FGF12: variants seen among roughly 807,000 people sequenced by gnomAD.
FGF12 encodes the protein fibroblast growth factor 12.
Under a neutral mutation model 23.6 loss-of-function variants are expected in FGF12, and 14 were observed. The observed-to-expected ratio is 0.59, with a 90% CI of 0.39 to 0.93. The LOEUF (loss-of-function observed/expected upper bound fraction) is 0.93, where lower values mean the gene tolerates loss of function less well. Ranked by LOEUF, FGF12 falls within the 40% of genes least tolerant of loss-of-function variation. The pLI is 0.00. For synonymous variants in FGF12, 62 were observed against 77.3 expected (o/e 0.80, Z 1.04); for missense variants, 175 against 217.8 (o/e 0.80, Z 1.24).
chr3:192,378,026 T>TCTCTCTC (rs1233005474), intron 2 of FGF12, among the ~76,000 whole-genome samples: 2 of 69,442 alleles, frequency 2.9e-5, no homozygotes, highest in Admixed American at 1.4e-4. Context: ...TGACTCTTTC[T>TCTCTCTC]TTTCTTTCTT....
At chr3:192,661,054 C>T (rs1488535530) in intron 2 of FGF12, among the ~76,000 whole-genome samples, 1 of 151,802 alleles carries the variant, frequency 6.6e-6, no homozygotes, top group African/African-American at 2.4e-5. Flanking sequence ...CAAGTAAATA[C>T]ATGAAATGGT....
At chr3:192,199,137 C>T (rs571029154) in intron 4 of FGF12, among the ~76,000 whole-genome samples, 42 of 152,276 alleles carry the variant, frequency 2.8e-4, no homozygotes, top group African/African-American at 7.7e-4. Flanking sequence ...GTTGCAAATG[C>T]TGACATGTTA....
chr3:192,280,100 G>C (rs945628684), intron 4 of FGF12, among the ~76,000 whole-genome samples: 1 of 152,112 alleles, frequency 6.6e-6, no homozygotes, highest in Non-Finnish European at 1.5e-5. Context: ...GATCAAAGAA[G>C]CCTAAATGTG....
intron 2 of FGF12, among the ~76,000 whole-genome samples, chr3:192,726,535 G>T (rs184766115): frequency 3.5e-4 from 54 of 152,220 alleles, no homozygotes; most frequent in African/African-American, 1.2e-3. Flanking sequence ...ATGCAGATTT[G>T]CTTATGAGGA....
chr3:192,348,509 T>C (rs1341354994), intron 3 of FGF12, among the ~76,000 whole-genome samples: 1 of 152,136 alleles, frequency 6.6e-6, no homozygotes, highest in African/African-American at 2.4e-5. Context: ...GTCAAACACA[T>C]TGAAGAAAAA....
chr3:192,146,227 A>G lies in FGF12; in HGVS notation c.428-2100T>C, dbSNP rs560917749. ...ACCTGCAAATCCTTAAGCTTCATCCAGGGATACTTGAGGAATAAATTTTCT... is the reference window on the plus strand; with the variant it reads ...ACCTGCAAATCCTTAAGCTTCATCCGGGGATACTTGAGGAATAAATTTTCT... On this transcript the variant is annotated intron_variant, in intron 5 of 5. Coordinates refer to ENST00000445105, the MANE Select transcript of FGF12 (RefSeq NM_004113.6). 1.4e-3 allele frequency among the ~76,000 whole-genome samples: 211 copies of G among 152,140 alleles called. 1 individual carries two copies. Among genetic ancestry groups the G allele is most frequent in the African/African-American group, 4.9e-3 (202 of 41,510 alleles).
chr3:192,544,912 T>G (rs1725459527), intron 2 of FGF12, among the ~76,000 whole-genome samples: 2 of 152,200 alleles, frequency 1.3e-5, no homozygotes, highest in Non-Finnish European at 2.9e-5. Context: ...CAGACACCTA[T>G]TTCAGGGCAA....
rs534922397 is a variant in FGF12, at chr3:192,370,225, T to C, written c.14-9687A>G. ...CTTTAAGTCAATGATGTCCAAACTT[T>C]TCTAATTATACATCTCTATCAGTAA... On this transcript the variant is annotated intron_variant, in intron 2 of 5. Coordinates refer to ENST00000445105, the MANE Select transcript of FGF12 (RefSeq NM_004113.6). Among the ~76,000 whole-genome samples, 27 of 152,334 alleles carry C rather than the reference T, an allele frequency of 1.8e-4. No homozygotes were observed. In the South Asian group the frequency reaches 5.0e-3, roughly 28 times the overall value.
intron 5 of FGF12, among the ~76,000 whole-genome samples, chr3:192,160,430 G>A (rs552117664): frequency 3.1e-4 from 47 of 152,196 alleles, no homozygotes; most frequent in Non-Finnish European, 5.3e-4. Flanking sequence ...AGCTTTGCCT[G>A]CAAAAACCTT....
At chr3:192,492,956 ATTTTTTTTTTTT>A (rs766838831) in intron 2 of FGF12, among the ~76,000 whole-genome samples, 2 of 121,602 alleles carry the variant, frequency 1.6e-5, no homozygotes, top group Non-Finnish European at 3.6e-5. Flanking sequence ...AATTTTTGTA[ATTTTTTTTTTTT>A]TTTTTTTTTT....
At chr3:192,640,398 C>T (rs1715747221) in intron 2 of FGF12, among the ~76,000 whole-genome samples, 1 of 151,582 alleles carries the variant, frequency 6.6e-6, no homozygotes, top group African/African-American at 2.4e-5. Flanking sequence ...AAAATAGAAG[C>T]CAAAAGCTTG....
At chr3:192,706,403 CTT>C (rs945532472) in intron 2 of FGF12, among the ~76,000 whole-genome samples, 2 of 152,162 alleles carry the variant, frequency 1.3e-5, no homozygotes, top group African/African-American at 2.4e-5. Context: ...GGCAAAGCGA[CTT>C]TGCCAAGGTC....
chr3:192,576,811 G>T (rs1474600371), intron 2 of FGF12, among the ~76,000 whole-genome samples: 1 of 152,130 alleles, frequency 6.6e-6, no homozygotes, highest in African/African-American at 2.4e-5. Context: ...CAACCCAAAT[G>T]CCCATCAGTG....
chr3:192,605,375 G>A (rs1287205821), intron 2 of FGF12, among the ~76,000 whole-genome samples: 25 of 109,426 alleles, frequency 2.3e-4, no homozygotes, highest in African/African-American at 6.9e-4. Flanking sequence ...GGGAGACTCC[G>A]TCTCAAAAAA....
chr3:192,485,357 T>C (rs1723604314), intron 2 of FGF12, among the ~76,000 whole-genome samples: 2 of 152,136 alleles, frequency 1.3e-5, no homozygotes, highest in South Asian at 2.1e-4. Flanking sequence ...GTAGTTCAAA[T>C]TGAGAAAATG....
chr3:192,618,099 T>TGAAC (rs1347554391), intron 2 of FGF12, among the ~76,000 whole-genome samples: 1 of 152,142 alleles, frequency 6.6e-6, no homozygotes, highest in Non-Finnish European at 1.5e-5. Context: ...GTATTCAAGA[T>TGAAC]GAACATAAGC....
rs1378477428 is a variant in FGF12, at chr3:192,409,895, G to A, written c.14-49357C>T. On this transcript the variant is annotated intron_variant, in intron 2 of 5. Coordinates refer to ENST00000445105, the MANE Select transcript of FGF12 (RefSeq NM_004113.6). This position sits in a 1 kb window ranked among gnomAD's most constrained non-coding sequence, Gnocchi z 4.8. ...GGCCGCTCAGAGCCGCGGGCTTGCG[G>A]GGCGCCCCCCGCCGCCGCGCCGCCG... Among the ~76,000 whole-genome samples the A allele has an allele frequency of 2.0e-5, 3 of 151,810 alleles. No individual in the cohort carries two copies. Among genetic ancestry groups the A allele is most frequent in the Admixed American group, 2.0e-4 (3 of 15,256 alleles).
At chr3:192,313,551 A>G (rs1459588437) in intron 4 of FGF12, among the ~76,000 whole-genome samples, 1 of 152,184 alleles carries the variant, frequency 6.6e-6, no homozygotes, top group African/African-American at 2.4e-5. Context: ...TGCAATGAAC[A>G]CTCATCAAGC....
intron 4 of FGF12, among the ~76,000 whole-genome samples, chr3:192,261,614 T>A (rs1712759398): frequency 6.6e-6 from 1 of 152,108 alleles, no homozygotes; most frequent in Non-Finnish European, 1.5e-5. Context: ...CAGGAACACA[T>A]GAAGATATGC....
Sources: gnomAD v4.1 joint callset for allele counts (sites outside exome capture counted in the v4.1 genomes callset) on GRCh38, gnomAD v4.1.1 for gene constraint, Gnocchi (gnomAD v3.1) non-coding constraint, MANE v1.5 for transcripts, NCBI Gene and HGNC (gene_info 2026-07-23, HGNC 2026-07-21) for gene names.